The following ZSCAN32 variants were observed in gnomAD, a reference collection of about 807,000 sequenced individuals.
The protein encoded by ZSCAN32 is zinc finger and SCAN domain containing 32, also known as zinc finger and SCAN domain-containing protein 32.
ZSCAN32 carries 52 observed loss-of-function variants against 47.4 expected under a neutral mutation model. That is an observed-to-expected ratio of 1.10 (90% CI 0.88 to 1.38). ZSCAN32 has a LOEUF of 1.38. Ranked by LOEUF, ZSCAN32 falls within the 40% of genes most tolerant of loss-of-function variation. The pLI is 0.00. For synonymous variants in ZSCAN32, 346 were observed against 305.7 expected, an observed-to-expected ratio of 1.13 and a Z score of -1.38; for missense variants, 959 against 846.0, an observed-to-expected ratio of 1.13 and a Z score of -1.66.
Position 3,382,765 on chromosome 16 carries a change from G to C in ZSCAN32, c.*87C>G, listed in dbSNP as rs2031368894. The C allele has an allele frequency of 6.7e-7, 1 of 1,502,436 alleles. No homozygotes were observed. Among genetic ancestry groups the C allele is most frequent in the Admixed American group, 2.3e-5 (1 of 43,568 alleles). The allele number at this position is 1,502,436 out of a possible 1,614,324, so 93.1% of individuals were successfully genotyped here. ...CAGTAGTCAGTAGGTCTGTTGCAAA[G>C]TCAGGGACTGGCTAGATCTCTCCAC... On this transcript the variant is annotated 3_prime_UTR_variant, in exon 7 of 7. Coordinates refer to ENST00000396852, the MANE Select transcript of ZSCAN32 (RefSeq NM_001284527.2).
chr16:3,387,187 T>TA (rs1254832142), intron 5 of ZSCAN32, among the ~76,000 whole-genome samples: 3 of 152,104 alleles, frequency 2.0e-5, no homozygotes. Flanking sequence ...GCAATAAGGG[T>TA]AGTGGCTTGC....
chr16:3,396,337 A>C (rs965138123), intron 2 of ZSCAN32, among the ~76,000 whole-genome samples: 2 of 152,104 alleles, frequency 1.3e-5, no homozygotes, highest in Non-Finnish European at 2.9e-5. Context: ...ACCAAATTTC[A>C]TCTATATCCC....
At chr16:3,398,846 G>GTT (rs2033618340) in intron 1 of ZSCAN32, among the ~76,000 whole-genome samples, 1 of 152,166 alleles carries the variant, frequency 6.6e-6, no homozygotes, top group Non-Finnish European at 1.5e-5. Context: ...ACGTGGATAA[G>GTT]TGACTGTTCG....
intron 5 of ZSCAN32, among the ~76,000 whole-genome samples, chr16:3,387,132 G>A (rs923071092): frequency 2.0e-5 from 3 of 152,068 alleles, no homozygotes; most frequent in Non-Finnish European, 4.4e-5. Context: ...TTAATTTCTC[G>A]TTAATTATCC....
intron 2 of ZSCAN32, among the ~76,000 whole-genome samples, chr16:3,394,248 AC>A (rs2033151489): frequency 6.6e-6 from 1 of 152,286 alleles, no homozygotes; most frequent in South Asian, 2.1e-4. Flanking sequence ...CGTGGACAAC[AC>A]AGCAAGACTC....
Position 3,397,690 on chromosome 16 carries a change from T to G in ZSCAN32, c.-133A>C. On this transcript the variant is annotated 5_prime_UTR_variant, in exon 2 of 7. Coordinates refer to ENST00000396852, the MANE Select transcript of ZSCAN32 (RefSeq NM_001284527.2). ...CTGTAATCCGTGGGACATGAGAGTG[T>G]CAGACATGTGTAGAGACTCACAGCG... The G allele has an allele frequency of 8.1e-7, 1 of 1,231,516 alleles. No homozygotes were observed. The highest frequency in any genetic ancestry group is 1.1e-6 in the Non-Finnish European group (1 of 913,506). The allele number at this position is 1,231,516 out of a possible 1,614,324, so 76.3% of individuals were successfully genotyped here.
Position 3,383,698 on chromosome 16 carries a change from C to A in ZSCAN32, c.1248G>T (p.Lys416Asn). The change falls in exon 7 of 7, where the codon AAG becomes AAT. Residue 416 changes from lysine (K) to asparagine (N), a missense_variant. By Grantham distance (94) the Lys-to-Asn change is moderately conservative. Coordinates refer to ENST00000396852, the MANE Select transcript of ZSCAN32 (RefSeq NM_001284527.2). ...TTAGATTTTCTTTTTTAATCTCGTT[C>A]TTGAACTCAAAACCTGAAAAAAAAA... ...LFPNRLGFEFKNEIKKENLKW... is the reference protein window; with the variant it reads ...LFPNRLGFEFNNEIKKENLKW... 3.8e-6 allele frequency: 6 copies of A among 1,575,726 alleles called. No homozygotes were observed. Among genetic ancestry groups the A allele is most frequent in the Non-Finnish European group, 5.1e-6 (6 of 1,169,358 alleles).
At chr16:3,390,760 C>G (rs897103526) in intron 3 of ZSCAN32, among the ~76,000 whole-genome samples, 3 of 152,208 alleles carry the variant, frequency 2.0e-5, no homozygotes, top group African/African-American at 7.2e-5. Flanking sequence ...TTGAGAACCA[C>G]TGCCAGCGCT....
chr16:3,389,889 C>T, intron 5 of ZSCAN32, 121 bp downstream of exon 5: 2 of 1,043,710 alleles, frequency 1.9e-6, no homozygotes, highest in Non-Finnish European at 2.7e-6. Context: ...CATTTACTTC[C>T]TCCTTTCCCT....
rs1049899254 is a variant in ZSCAN32, at chr16:3,382,704, T to C, written c.*148A>G. On this transcript the variant is annotated 3_prime_UTR_variant, in exon 7 of 7. Coordinates refer to ENST00000396852, the MANE Select transcript of ZSCAN32 (RefSeq NM_001284527.2). ...CAGCCAGGAGAGGTCAGCGTCCTTA[T>C]GCTGACTCCTGGTCCTAGACATGGG... 65 of 1,313,602 alleles carry C rather than the reference T, an allele frequency of 4.9e-5. No individual in the cohort carries two copies. Among genetic ancestry groups the C allele is most frequent in the Middle Eastern group, 2.8e-4 (1 of 3,602 alleles). 81.4% of individuals were successfully genotyped at this position (1,313,602 alleles called of 1,614,324 possible).
chr16:3,384,340 T>A, intron 6 of ZSCAN32, 119 bp downstream of exon 6: 1 of 1,409,244 alleles, frequency 7.1e-7, no homozygotes, highest in Non-Finnish European at 9.7e-7. Flanking sequence ...TTGGATAGGG[T>A]CACACATCAA....
chr16:3,397,781 A>C, intron 1 of ZSCAN32, 37 bp from the exon 2 acceptor site: 2 of 475,778 alleles, frequency 4.2e-6, no homozygotes, highest in South Asian at 3.4e-5. Context: ...AAACCTATCA[A>C]ACATTCCTTC....
intron 3 of ZSCAN32, among the ~76,000 whole-genome samples, chr16:3,393,202 T>TTAATATATA (rs1555474305): frequency 4.3e-5 from 1 of 23,242 alleles, no homozygotes; most frequent in African/African-American, 3.5e-4. Context: ...ATATATATAT[T>TTAATATATA]TATATTTATA....
At chr16:3,385,525 G>A (rs1034261394) in intron 5 of ZSCAN32, among the ~76,000 whole-genome samples, 18 of 152,050 alleles carry the variant, frequency 1.2e-4, no homozygotes, top group African/African-American at 1.7e-4. Flanking sequence ...GAGGCATCAC[G>A]CTACCTGACT....
intron 2 of ZSCAN32, among the ~76,000 whole-genome samples, chr16:3,394,383 T>C (rs757692642): frequency 2.6e-5 from 4 of 152,184 alleles, no homozygotes. Context: ...AGAGAGAATG[T>C]CAGCTTTCAC....
intron 5 of ZSCAN32, among the ~76,000 whole-genome samples, chr16:3,388,460 C>G (rs952222285): frequency 3.3e-5 from 5 of 152,224 alleles, no homozygotes; most frequent in East Asian, 3.8e-4. Context: ...GCTTCTCTCC[C>G]ATTGCGCTTA....
intron 6 of ZSCAN32, chr16:3,383,983 C>T: frequency 2.1e-6 from 1 of 472,006 alleles, no homozygotes; most frequent in Non-Finnish European, 3.7e-6. Flanking sequence ...ACATTAAGCA[C>T]TATATCATCT....
In ZSCAN32 at chr16:3,382,834, G is replaced by C. The variant is rs1217626822; in HGVS notation, c.*18C>G. On this transcript the variant is annotated 3_prime_UTR_variant, in exon 7 of 7. Coordinates refer to ENST00000396852, the MANE Select transcript of ZSCAN32 (RefSeq NM_001284527.2). ...CATGCTGACCTGAGGAACTTAATCTGACAGTTTACCGACACACTCATAACG... is the reference window on the plus strand; with the variant it reads ...CATGCTGACCTGAGGAACTTAATCTCACAGTTTACCGACACACTCATAACG... The C allele has an allele frequency of 6.5e-7, 1 of 1,536,774 alleles. No homozygotes were observed. Among genetic ancestry groups the C allele is most frequent in the Non-Finnish European group, 8.8e-7 (1 of 1,140,454 alleles).
chr16:3,387,765 T>C (rs2032192411), intron 5 of ZSCAN32, among the ~76,000 whole-genome samples: 1 of 152,224 alleles, frequency 6.6e-6, no homozygotes, highest in African/African-American at 2.4e-5. Context: ...GTTATTCAAT[T>C]TAACTAACAC....
Sources: allele counts gnomAD v4.1 joint callset (sites outside exome capture counted in the v4.1 genomes callset), GRCh38; gene constraint gnomAD v4.1.1; transcripts MANE v1.5; gene names NCBI Gene and HGNC (gene_info 2026-07-23, HGNC 2026-07-21).